The following HSPA4 variants were observed in gnomAD, a reference collection of about 807,000 sequenced individuals.
HSPA4 encodes heat shock 70 kDa protein 4.
HSPA4 carries 25 observed loss-of-function variants against 106.2 expected under a neutral mutation model. The ratio of observed to expected loss-of-function variants is 0.24; its 90% CI spans 0.17 to 0.33. HSPA4 has a LOEUF of 0.33. Among genes scored for constraint, HSPA4 ranks in the 10% least tolerant of loss-of-function variants. HSPA4 has a pLI of 1.00. For synonymous variants in HSPA4, 332 were observed against 333.6 expected, an observed-to-expected ratio of 1.00 and a Z score of 0.05; for missense variants, 841 against 996.0, an observed-to-expected ratio of 0.84 and a Z score of 2.10.
Position 133,074,039 on chromosome 5 carries a change from A to G in HSPA4, c.576A>G (p.Glu192=). The G allele has an allele frequency of 2.5e-6, 4 of 1,608,774 alleles. No homozygotes were observed. Among genetic ancestry groups the G allele is most frequent in the South Asian group, 1.1e-5 (1 of 89,908 alleles). The change falls in exon 6 of 19, where the codon GAA becomes GAG. Residue 192 remains glutamate, a synonymous_variant. Transcript: ENST00000304858. The part of the protein sequence containing the change: ...GIYKQDLPAL[E]EKPRNVVFVD... ...ATAAGCAGGATCTTCCTGCCTTAGAAGAGAAACCAAGAAATGTAGTTTTTG... is the reference window on the plus strand; with the variant it reads ...ATAAGCAGGATCTTCCTGCCTTAGAGGAGAAACCAAGAAATGTAGTTTTTG...
chr5:133,076,956 A>C, intron 7 of HSPA4, 58 bp downstream of exon 7: 1 of 1,391,342 alleles, frequency 7.2e-7, no homozygotes, highest in South Asian at 1.3e-5. Flanking sequence ...CACATATATT[A>C]ACCTTTAATT....
intron 2 of HSPA4, among the ~76,000 whole-genome samples, chr5:133,066,964 CT>C (rs1765314959): frequency 6.6e-6 from 1 of 152,072 alleles, no homozygotes; most frequent in Non-Finnish European, 1.5e-5. Flanking sequence ...GAGGCCCTGG[CT>C]TCTTTCAAAG....
At chr5:133,087,645 T>C (rs900930158) in intron 8 of HSPA4, among the ~76,000 whole-genome samples, 2 of 152,164 alleles carry the variant, frequency 1.3e-5, no homozygotes, top group East Asian at 1.9e-4. Flanking sequence ...TTTTTTGAGA[T>C]GGGAGTCTTG....
chr5:133,065,860 C>G (rs1416002491), intron 2 of HSPA4, among the ~76,000 whole-genome samples: 1 of 152,156 alleles, frequency 6.6e-6, no homozygotes, highest in South Asian at 2.1e-4. Flanking sequence ...TCTGAGATAT[C>G]TGTAAAATTA....
chr5:133,080,894 G>A (rs1464212540), intron 7 of HSPA4, among the ~76,000 whole-genome samples: 1 of 151,912 alleles, frequency 6.6e-6, no homozygotes, highest in Non-Finnish European at 1.5e-5. Flanking sequence ...CTATTTTAAA[G>A]TGTACAATTC....
At chr5:133,059,874 C>T (rs569939566) in intron 1 of HSPA4, among the ~76,000 whole-genome samples, 4 of 152,200 alleles carry the variant, frequency 2.6e-5, no homozygotes, top group African/African-American at 9.6e-5. Context: ...GAGAGGATTC[C>T]TGCCATGGAT....
At chr5:133,065,079 T>C (rs1765291252) in intron 2 of HSPA4, 42 bp downstream of exon 2, 2 of 1,533,230 alleles carry the variant, frequency 1.3e-6, no homozygotes, top group African/African-American at 2.7e-5. Context: ...ATTTCTCCTC[T>C]TCATCCATGT....
intron 15 of HSPA4, among the ~76,000 whole-genome samples, chr5:133,098,637 T>G (rs1036094115): frequency 2.1e-5 from 3 of 144,474 alleles, no homozygotes; most frequent in African/African-American, 8.5e-5. Flanking sequence ...ATGTTTTCTT[T>G]ATTTACTCAT....
chr5:133,066,956 G>A (rs2126697990), intron 2 of HSPA4, among the ~76,000 whole-genome samples: 1 of 152,066 alleles, frequency 6.6e-6, no homozygotes, highest in East Asian at 1.9e-4. Context: ...CCTCAAATGA[G>A]GCCCTGGCTT....
intron 5 of HSPA4, among the ~76,000 whole-genome samples, chr5:133,073,616 T>G (rs1195490977): frequency 6.6e-6 from 1 of 152,212 alleles, no homozygotes; most frequent in Non-Finnish European, 1.5e-5. Flanking sequence ...TGGTCTTCTC[T>G]TAGACTTGTG....
intron 8 of HSPA4, among the ~76,000 whole-genome samples, chr5:133,087,468 TTAAA>T (rs1375499630): frequency 1.3e-5 from 2 of 152,206 alleles, no homozygotes; most frequent in Non-Finnish European, 2.9e-5. Flanking sequence ...GCCCATTTCT[TTAAA>T]TAGCCCTTCT....
chr5:133,077,942 T>C (rs1339969538), intron 7 of HSPA4, among the ~76,000 whole-genome samples: 1 of 152,138 alleles, frequency 6.6e-6, no homozygotes, highest in Non-Finnish European at 1.5e-5. Flanking sequence ...GTTTAAGAAA[T>C]TGTTAGTGAA....
intron 13 of HSPA4, among the ~76,000 whole-genome samples, chr5:133,094,893 G>A (rs556589490): frequency 1.3e-5 from 2 of 152,288 alleles, no homozygotes; most frequent in South Asian, 4.1e-4. Context: ...AAAGCTTGAA[G>A]TGAATATTTT....
At position 133,091,386 on chromosome 5, in the gene HSPA4, A is replaced by T; in HGVS notation, c.1560+12A>T. On this transcript the variant is annotated intron_variant, in intron 12 of 18. Coordinates refer to ENST00000304858, the MANE Select transcript of HSPA4 (RefSeq NM_002154.4). ...CAAAGGAGGAAGAGGTAATCTAGAC[A>T]TTGTATACCACTTGTGATGGCCCAG... The T allele has an allele frequency of 6.3e-7, 1 of 1,599,860 alleles. No individual in the cohort carries two copies. Among genetic ancestry groups the T allele is most frequent in the Non-Finnish European group, 8.5e-7 (1 of 1,170,140 alleles).
At position 133,103,743 on chromosome 5, in the gene HSPA4, C is replaced by G. The variant is rs980433935; in HGVS notation, c.2158-122C>G. ...GAATAATTCTGTTCAGATTGTGAGG[C>G]TAAATATGCTTTATTTTTTGAAAGA... On this transcript the variant is annotated intron_variant, in intron 17 of 18. Coordinates refer to ENST00000304858, the MANE Select transcript of HSPA4 (RefSeq NM_002154.4). 32 of 749,138 alleles carry G rather than the reference C, an allele frequency of 4.3e-5. No homozygotes were observed. The Admixed American group carries it at 9.2e-4, about 22-fold the overall frequency. 46.4% of individuals were successfully genotyped at this position (749,138 alleles called of 1,614,324 possible).
intron 3 of HSPA4, 33 bp from the exon 4 acceptor site, chr5:133,070,341 A>G (rs1212032976): frequency 1.9e-6 from 3 of 1,584,018 alleles, no homozygotes; most frequent in Non-Finnish European, 1.7e-6. Flanking sequence ...AAGAAATATA[A>G]TAAGTCTAGG....
chr5:133,059,752 A>G (rs893174156), intron 1 of HSPA4, among the ~76,000 whole-genome samples: 2 of 152,118 alleles, frequency 1.3e-5, no homozygotes, highest in South Asian at 2.1e-4. Context: ...TACTAATCCC[A>G]TTTCTCAGAG....
At chr5:133,089,338 T>C (rs1226666241) in intron 10 of HSPA4, among the ~76,000 whole-genome samples, 177 bp downstream of exon 10, 1 of 152,232 alleles carries the variant, frequency 6.6e-6, no homozygotes, top group Admixed American at 6.5e-5. Context: ...TTCTCACACT[T>C]GATTCTGCTG....
At chr5:133,063,411 G>A (rs1421302186) in intron 1 of HSPA4, among the ~76,000 whole-genome samples, 1 of 151,894 alleles carries the variant, frequency 6.6e-6, no homozygotes, top group Non-Finnish European at 1.5e-5. Context: ...GAGCCACTGC[G>A]CCCAGCCAAA....
Sources: gnomAD v4.1 joint callset for allele counts (sites outside exome capture counted in the v4.1 genomes callset) on GRCh38, gnomAD v4.1.1 for gene constraint, MANE v1.5 for transcripts, NCBI Gene and HGNC (gene_info 2026-07-23, HGNC 2026-07-21) for gene names.